The following NAALADL2 variants were observed in gnomAD, a reference collection of about 807,000 sequenced individuals.
The protein encoded by NAALADL2 is N-acetylated alpha-linked acidic dipeptidase like 2.
A neutral mutation model predicts 87.2 loss-of-function variants in NAALADL2; 76 were observed. The observed-to-expected ratio is 0.87, with a 90% confidence interval of 0.72 to 1.05. The LOEUF (loss-of-function observed/expected upper bound fraction) is 1.05. Among genes scored for constraint, NAALADL2 ranks in the 50% least tolerant of loss-of-function variants. The probability of loss-of-function intolerance (pLI) is 0.00; values close to 1 mark genes in which losing one functional copy is unlikely to be tolerated. For synonymous variants in NAALADL2, 354 were observed against 331.0 expected (o/e 1.07, Z -0.75); for missense variants, 1,089 against 945.8 (o/e 1.15, Z -1.99).
chr3:174,837,389 C>T (rs572651428), intron 3 of NAALADL2, among the ~76,000 whole-genome samples: 1 of 152,294 alleles, frequency 6.6e-6, no homozygotes, highest in East Asian at 1.9e-4. Context: ...ACTGGAATAC[C>T]TAAAGGAGAT....
At position 174,509,404 on chromosome 3, in the gene NAALADL2, CT is replaced by C. The variant is rs34028719; in HGVS notation, c.-183-41149del. Among the ~76,000 whole-genome samples, 174 of 106,926 alleles carry C rather than the reference CT, an allele frequency of 1.6e-3. 1 individual carries two copies. The highest frequency in any genetic ancestry group is 6.0e-3 in the Admixed American group (66 of 10,914). 70.1% of individuals were successfully genotyped at this position (106,926 alleles called of 152,430 possible). A position where few individuals can be genotyped will look rare whatever the true frequency, so the allele number is the denominator to read the frequency against. On this transcript the variant is annotated intron_variant, in intron 1 of 3. Transcript: ENST00000434257. ...AGCTCTGGTGTCTCTTCCTTTCTTT[CT>C]TTTTTTTTTTTTTTTGAGACGGAGT...
intron 3 of NAALADL2, among the ~76,000 whole-genome samples, chr3:174,839,678 G>T (rs1446948976): frequency 2.6e-5 from 4 of 151,904 alleles, no homozygotes; most frequent in African/African-American, 9.7e-5. Flanking sequence ...ATCAAAAAGT[G>T]GGCTAAGGAC....
At chr3:175,284,107 A>C (rs2110098454) in intron 4 of NAALADL2, among the ~76,000 whole-genome samples, 1 of 152,144 alleles carries the variant, frequency 6.6e-6, no homozygotes, top group Middle Eastern at 3.5e-3. Context: ...GAAGAAACAC[A>C]GTTATAAGTA....
At chr3:175,783,917 T>C (rs1751524486) in intron 13 of NAALADL2, among the ~76,000 whole-genome samples, 1 of 142,002 alleles carries the variant, frequency 7.0e-6, no homozygotes, top group Admixed American at 6.8e-5. Flanking sequence ...CATGAAGGGT[T>C]GTTGAATTTT....
intron 1 of NAALADL2, among the ~76,000 whole-genome samples, chr3:175,027,389 G>A (rs1752340151): frequency 6.6e-6 from 1 of 151,758 alleles, no homozygotes; most frequent in Non-Finnish European, 1.5e-5. Context: ...TCTCACAAAT[G>A]TTATGTAAAC....
chr3:174,729,035 A>G (rs1253870682), intron 2 of NAALADL2, among the ~76,000 whole-genome samples: 2 of 152,096 alleles, frequency 1.3e-5, no homozygotes, highest in Admixed American at 6.6e-5. Flanking sequence ...GCTTCCTTCA[A>G]CTTGGATGAG....
chr3:174,877,875 C>A (rs1046553871), intron 1 of NAALADL2, among the ~76,000 whole-genome samples: 1 of 152,012 alleles, frequency 6.6e-6, no homozygotes, highest in African/African-American at 2.4e-5. Flanking sequence ...CATAAGATAG[C>A]AAATTCCTTA....
intron 2 of NAALADL2, among the ~76,000 whole-genome samples, chr3:174,642,224 GGC>G (rs1723271423): frequency 2.6e-5 from 4 of 151,976 alleles, no homozygotes; most frequent in Admixed American, 2.0e-4. Context: ...TTGTTTTCCG[GGC>G]ACAGTGGCTC....
At chr3:175,595,916 G>A (rs865929436) in intron 10 of NAALADL2, among the ~76,000 whole-genome samples, 25 of 151,714 alleles carry the variant, frequency 1.6e-4, no homozygotes, top group African/African-American at 6.0e-4. Flanking sequence ...GAACCAAAGG[G>A]GAGCCTGAAT....
chr3:175,017,698 A>G (rs963676595), intron 1 of NAALADL2, among the ~76,000 whole-genome samples: 2 of 152,052 alleles, frequency 1.3e-5, no homozygotes, highest in Non-Finnish European at 2.9e-5. Flanking sequence ...TTCTCTTTCA[A>G]TGATCTTTGT....
intron 1 of NAALADL2, among the ~76,000 whole-genome samples, chr3:174,957,211 G>C (rs986158082): frequency 6.6e-6 from 1 of 151,966 alleles, no homozygotes; most frequent in African/African-American, 2.4e-5. Flanking sequence ...AGACTTCCTT[G>C]ATAGCCAGGA....
intron 2 of NAALADL2, among the ~76,000 whole-genome samples, chr3:174,586,923 T>G (rs1716788062): frequency 6.6e-6 from 1 of 152,092 alleles, no homozygotes; most frequent in Non-Finnish European, 1.5e-5. Flanking sequence ...CATGTTGGTG[T>G]GCTGCACCCG....
chr3:175,386,238 T>C (rs1768364085), intron 5 of NAALADL2, among the ~76,000 whole-genome samples: 1 of 147,510 alleles, frequency 6.8e-6, no homozygotes, highest in African/African-American at 2.5e-5. Flanking sequence ...TTTTTTTTTA[T>C]TCTGTAGGCC....
intron 11 of NAALADL2, among the ~76,000 whole-genome samples, chr3:175,705,195 A>G (rs1021699308): frequency 6.6e-6 from 1 of 152,018 alleles, no homozygotes; most frequent in Non-Finnish European, 1.5e-5. Flanking sequence ...TTCCAGCTGT[A>G]GGGTTCATTT....
At chr3:175,575,493 C>T (rs1251366021) in intron 9 of NAALADL2, among the ~76,000 whole-genome samples, 2 of 152,104 alleles carry the variant, frequency 1.3e-5, no homozygotes, top group South Asian at 2.1e-4. Flanking sequence ...CCATGTTGGC[C>T]AGGCTGGTCT....
rs935819012 is a variant in NAALADL2 at position 175,635,360 on chromosome 3, G to C, written c.1896+7974G>C. Among the ~76,000 whole-genome samples the C allele has an allele frequency of 4.6e-5, 7 of 152,022 alleles. No homozygotes were observed. In the South Asian group the frequency reaches 1.5e-3, roughly 32 times the overall value. On this transcript the variant is annotated intron_variant, in intron 11 of 13. Transcript: ENST00000454872. ...TTCACCAAAAGCTACCATATATTAA[G>C]TGTTATTAACACTTATTAAGATAGG...
At chr3:174,627,035 A>G (rs1004831089) in intron 2 of NAALADL2, among the ~76,000 whole-genome samples, 1 of 152,130 alleles carries the variant, frequency 6.6e-6, no homozygotes. Flanking sequence ...ATTTATTGAG[A>G]CTTTTTAGTA....
rs199832188 is a variant in NAALADL2 at position 175,309,392 on chromosome 3, G to A, written c.940-14783G>A. Among the ~76,000 whole-genome samples, 8 of 152,074 alleles carry A rather than the reference G, an allele frequency of 5.3e-5. No homozygotes were observed. The East Asian group carries it at 1.6e-3, about 29-fold the overall frequency. On this transcript the variant is annotated intron_variant, in intron 4 of 13. Transcript: ENST00000454872. ...GTAGAGACAGGGTTTCACCATGTTG[G>A]CCAGGCTGGTCTCAAACTCCTGACC...
At chr3:175,083,060 A>G (rs1718190999) in intron 1 of NAALADL2, among the ~76,000 whole-genome samples, 1 of 152,246 alleles carries the variant, frequency 6.6e-6, no homozygotes, top group African/African-American at 2.4e-5. Flanking sequence ...CCACATAAGA[A>G]ACACCAGTTC....
Sources: allele counts gnomAD v4.1 joint callset (sites outside exome capture counted in the v4.1 genomes callset), GRCh38; gene constraint gnomAD v4.1.1; transcripts MANE v1.5; gene names NCBI Gene and HGNC (gene_info 2026-07-23, HGNC 2026-07-21).